IQSEC2: variants seen among roughly 807,000 people sequenced by gnomAD.
IQSEC2 encodes the protein IQ motif and Sec7 domain ArfGEF 2.
IQSEC2 carries 6 observed loss-of-function variants against 74.6 expected under a neutral mutation model. That is an observed-to-expected ratio of 0.08 (90% CI 0.04 to 0.16). IQSEC2 has a LOEUF of 0.16. Ranked by LOEUF, IQSEC2 falls within the 10% of genes least tolerant of loss-of-function variation. The pLI, the probability that IQSEC2 is intolerant of heterozygous loss-of-function variation, is 1.00. For missense variants in IQSEC2, 734 were observed against 1,306.2 expected, an observed-to-expected ratio of 0.56 and a Z score of 6.75; for synonymous variants, 494 against 544.5, an observed-to-expected ratio of 0.91 and a Z score of 1.29.
At chrX:53,301,937 G>A (rs915509005) in intron 1 of IQSEC2, among the ~76,000 whole-genome samples, 1 of 112,204 alleles carries the variant, frequency 8.9e-6, no homozygotes, top group Non-Finnish European at 1.9e-5. Flanking sequence ...TTGTGTTGAG[G>A]TTTGTAGAAT....
chrX:53,284,199 A>G (rs1556871381), intron 2 of IQSEC2, among the ~76,000 whole-genome samples: 1 of 111,055 alleles, frequency 9.0e-6, no homozygotes, highest in Non-Finnish European at 1.9e-5. Flanking sequence ...GAACATCTCT[A>G]GCTTTGATCA....
chrX:53,235,132 G>C lies in IQSEC2; in HGVS notation c.3554C>G (p.Pro1185Arg), dbSNP rs1556859338. ...CTTGTACTCCTCTGGCGGCGGGGGTGGGGGCGGAGGTGGCATCCTCTGGTG... is the reference window on the plus strand; with the variant it reads ...CTTGTACTCCTCTGGCGGCGGGGGTCGGGGCGGAGGTGGCATCCTCTGGTG... ...RPHQRMPPPP[P>R]PPPPEEYKSQ... The change falls in exon 15 of 15, where the codon CCA (proline) becomes CGA (arginine). Residue 1185 changes from proline to arginine, a missense_variant. Transcript: ENST00000642864. 8.8e-7 allele frequency: 1 copy of C among 1,131,140 alleles called. No homozygotes were observed. Among genetic ancestry groups the C allele is most frequent in the Non-Finnish European group, 1.2e-6 (1 of 847,266 alleles). The allele number at this position is 1,131,140 out of a possible 1,213,427, so 93.2% of individuals were successfully genotyped here.
Position 53,248,132 on chromosome X carries a change from C to T in IQSEC2, c.2564G>A (p.Arg855Gln), listed in dbSNP as rs2074335459. ...RVQGEAQKVERLIEAFSQRYC... is the reference protein window; with the variant it reads ...RVQGEAQKVEQLIEAFSQRYC... ...GGCACACCTGAAGGCTTCGATGAGT[C>T]GCTCCACTTTCTGGGCCTCACCCTG... The change falls in exon 7 of 15, where the codon CGA becomes CAA. Residue 855 changes from arginine (R) to glutamine (Q), a missense_variant. Physicochemically the swap from Arg to Gln is conservative, Grantham distance 43. This residue lies in a region of IQSEC2 where 18 missense variants were observed against 46.7 expected (regional missense o/e 0.39). Coordinates refer to ENST00000642864, the MANE Select transcript of IQSEC2 (RefSeq NM_001111125.3). The T allele has an allele frequency of 1.7e-6, 2 of 1,211,000 alleles. No homozygotes were observed. The highest frequency in any genetic ancestry group is 2.2e-6 in the Non-Finnish European group (2 of 895,168).
intron 2 of IQSEC2, among the ~76,000 whole-genome samples, chrX:53,273,625 G>A (rs1345810711): frequency 1.8e-5 from 2 of 111,874 alleles, no homozygotes; most frequent in Non-Finnish European, 3.8e-5. Flanking sequence ...ATGATGACAG[G>A]GTGTTCATAA....
At chrX:53,302,059 G>A (rs1400317586) in intron 1 of IQSEC2, among the ~76,000 whole-genome samples, 4 of 112,006 alleles carry the variant, frequency 3.6e-5, no homozygotes, top group Non-Finnish European at 7.5e-5. Context: ...CTTCATCAAT[G>A]TAATGGAGAT....
chrX:53,284,086 A>G (rs1939651830), intron 2 of IQSEC2, among the ~76,000 whole-genome samples: 1 of 111,076 alleles, frequency 9.0e-6, no homozygotes, highest in African/African-American at 3.3e-5. Flanking sequence ...TTCCGTATCT[A>G]TAGGAAGAGC....
At chrX:53,298,783 C>T (rs1487048268) in intron 1 of IQSEC2, among the ~76,000 whole-genome samples, 1 of 111,690 alleles carries the variant, frequency 9.0e-6, no homozygotes, top group East Asian at 2.8e-4. Flanking sequence ...GTCCCTTTGT[C>T]TTGTTATTCT....
intron 2 of IQSEC2, among the ~76,000 whole-genome samples, chrX:53,288,902 C>G (rs1437802410): frequency 9.0e-6 from 1 of 111,353 alleles, no homozygotes; most frequent in Non-Finnish European, 1.9e-5. Flanking sequence ...TAGGTCAGAT[C>G]TGTGACACTT....
At position 53,243,325 on chromosome X, in the gene IQSEC2, C is replaced by T. The variant is rs1556861309; in HGVS notation, c.2889+7G>A. ...CTGGCCCCTCTGCAGCCTCCCAAGGCACTTACTGGTTTCTTTCCAACAATC... is the reference window on the plus strand; with the variant it reads ...CTGGCCCCTCTGCAGCCTCCCAAGGTACTTACTGGTTTCTTTCCAACAATC... On this transcript the variant is annotated splice_region_variant and intron_variant, in intron 9 of 14. Coordinates refer to ENST00000642864, the MANE Select transcript of IQSEC2 (RefSeq NM_001111125.3). 1 of 1,164,907 alleles carries T rather than the reference C, an allele frequency of 8.6e-7. No individual in the cohort carries two copies. The highest frequency in any genetic ancestry group is 2.6e-5 in the Admixed American group (1 of 38,729).
chrX:53,294,554 C>T (rs142960636), intron 1 of IQSEC2, among the ~76,000 whole-genome samples: 118 of 112,088 alleles, frequency 1.1e-3, no homozygotes, highest in East Asian at 9.9e-3. Context: ...GCAGTGTGAA[C>T]TCGGACAAGT....
downstream of IQSEC2, chrX:53,227,604 C>A: frequency 3.2e-6 from 1 of 312,111 alleles, no homozygotes. Context: ...GTGGCTGTGA[C>A]CGTGATGGTG....
At chrX:53,266,935 C>T in intron 2 of IQSEC2, 1 of 1,150,428 alleles carries the variant, frequency 8.7e-7, no homozygotes, top group Non-Finnish European at 1.1e-6. Flanking sequence ...GCTTTTGCTT[C>T]TGCATAGAAA....
rs1556859169 is a variant in IQSEC2, at chrX:53,234,853, G to T, written c.3833C>A (p.Ala1278Asp). 8.7e-7 allele frequency: 1 copy of T among 1,145,191 alleles called. No homozygotes were observed. The highest frequency in any genetic ancestry group is 2.6e-5 in the Admixed American group (1 of 37,884). The allele number at this position is 1,145,191 out of a possible 1,213,427, so 94.4% of individuals were successfully genotyped here. The change falls in exon 15 of 15, where the codon GCC (alanine) becomes GAC (aspartate). Residue 1278 changes from alanine to aspartate, a missense_variant. This residue lies in a region of IQSEC2 where 249 missense variants were observed against 467.9 expected (regional missense o/e 0.53). Coordinates refer to ENST00000642864, the MANE Select transcript of IQSEC2 (RefSeq NM_001111125.3). ...HAQYCQGPGPAPPPYLPPQQP... is the reference protein window; with the variant it reads ...HAQYCQGPGPDPPPYLPPQQP... Reference sequence around the variant, plus strand: ...CTGGGGTGGGAGGTAGGGTGGCGGGGCAGGGCCCGGTCCTTGGCAATACTG... The same window carrying T: ...CTGGGGTGGGAGGTAGGGTGGCGGGTCAGGGCCCGGTCCTTGGCAATACTG...
At chrX:53,228,653 C>T (rs1473506105), downstream of IQSEC2, among the ~76,000 whole-genome samples, 1 of 111,759 alleles carries the variant, frequency 8.9e-6, no homozygotes, top group Non-Finnish European at 1.9e-5. Context: ...TGATCTCTTC[C>T]AGTTCTGAAG....
rs782020682 is a variant in IQSEC2, at chrX:53,320,557, C to G, written c.567G>C (p.Ser189=). ...HPGREKEAGY[S]AAVGVGPRPP... is the part of the protein sequence containing the mutation. ...GCCGCGGCCCCACGCCCACCGCCGCCGAATAGCCCGCTTCCTTCTCGCGGC... is the reference window on the plus strand; with the variant it reads ...GCCGCGGCCCCACGCCCACCGCCGCGGAATAGCCCGCTTCCTTCTCGCGGC... Residue 189 remains serine, a synonymous_variant, in exon 1 of 15, where the codon TCG becomes TCC. Transcript: ENST00000642864. 11 of 1,152,864 alleles carry G rather than the reference C, an allele frequency of 9.5e-6. No individual in the cohort carries two copies. In the South Asian group the frequency reaches 1.9e-4, roughly 20 times the overall value.
intron 4 of IQSEC2, 112 bp downstream of exon 4, chrX:53,254,418 G>T: frequency 1.5e-6 from 1 of 668,110 alleles, no homozygotes. Context: ...GCTATTTGCT[G>T]TTATTAAATG....
chrX:53,250,653 G>A lies in IQSEC2; in HGVS notation c.1923C>T (p.Ala641=), dbSNP rs2074371834. ...CTGGGTAGTGGCGGTGTGGGATCGG[G>A]GCCCTGCCTGGTGGCCCCTTGTGCT... ...TLKHKGPPGR[A]PIPHRHYPAP... is the part of the protein sequence containing the mutation. Residue 641 remains alanine, a synonymous_variant, in exon 5 of 15, where the codon GCC becomes GCT. Coordinates refer to ENST00000642864, the MANE Select transcript of IQSEC2 (RefSeq NM_001111125.3). 8.3e-7 allele frequency: 1 copy of A among 1,208,177 alleles called. No homozygotes were observed.
chrX:53,317,546 G>A (rs990582324), intron 1 of IQSEC2, among the ~76,000 whole-genome samples: 4 of 112,199 alleles, frequency 3.6e-5, no homozygotes, highest in Admixed American at 9.4e-5. Flanking sequence ...AATGTGGATC[G>A]TGGTGACAGA....
At chrX:53,286,952 A>AAAAAAAG (rs1388434168) in intron 2 of IQSEC2, among the ~76,000 whole-genome samples, 141 of 96,381 alleles carry the variant, frequency 1.5e-3, no homozygotes, top group Middle Eastern at 4.8e-3. Flanking sequence ...AAAAAAAAAA[A>AAAAAAAG]AAAAAGAAAA....
Sources: gnomAD v4.1 joint callset for allele counts (sites outside exome capture counted in the v4.1 genomes callset) on GRCh38, gnomAD v4.1.1 for gene constraint, gnomAD v4.1.1 regional missense constraint, MANE v1.5 for transcripts, NCBI Gene and HGNC (gene_info 2026-07-23, HGNC 2026-07-21) for gene names.